The following WNK4 variants were observed in gnomAD, a reference collection of about 807,000 sequenced individuals.
WNK4 encodes the protein serine/threonine-protein kinase WNK4.
A neutral mutation model predicts 116.2 loss-of-function variants in WNK4; 94 were observed. That is an observed-to-expected ratio of 0.81 (90% confidence interval 0.68 to 0.96). The LOEUF is 0.96. Ranked by LOEUF, WNK4 falls within the 40% of genes least tolerant of loss-of-function variation. The pLI, the probability that WNK4 is intolerant of heterozygous loss-of-function variation, is 0.00. For missense variants in WNK4, 1,542 were observed against 1,650.6 expected (o/e 0.93, Z 1.14); for synonymous variants, 655 against 672.7 (o/e 0.97, Z 0.41).
chr17:42,781,126 C>G lies in WNK4; in HGVS notation c.428C>G (p.Pro143Arg), dbSNP rs955324851. The change falls in exon 1 of 19, where the codon CCT becomes CGT. Residue 143 changes from proline to arginine, a missense_variant. Physicochemically the swap from Pro to Arg is moderately radical, Grantham distance 103. Around this residue, in one of 7 missense-constraint regions of WNK4, gnomAD observed 243 missense variants for 217.8 expected, o/e 1.12. Transcript: ENST00000246914. Reference protein sequence around the residue: ...GPGSREPLRVPEAVALERRRE... With the variant: ...GPGSREPLRVREAVALERRRE... ...GGGTCCAGGGAGCCGCTAAGGGTCCCTGAAGCTGTGGCCCTAGAGCGGCGG... is the reference window on the plus strand; with the variant it reads ...GGGTCCAGGGAGCCGCTAAGGGTCCGTGAAGCTGTGGCCCTAGAGCGGCGG... 15 of 1,613,946 alleles carry G rather than the reference C, an allele frequency of 9.3e-6. No individual in the cohort carries two copies. Among genetic ancestry groups the G allele is most frequent in the African/African-American group, 1.3e-5 (1 of 74,944 alleles).
chr17:42,794,029 T>C (rs1211869932), intron 12 of WNK4: 1 of 367,672 alleles, frequency 2.7e-6, no homozygotes, highest in Non-Finnish European at 5.2e-6. Flanking sequence ...ATTTTTTTTG[T>C]ATTTTTAGTA....
In WNK4 at chr17:42,787,874, C is replaced by T. The variant is rs1291522636; in HGVS notation, c.1838C>T (p.Ala613Val). ...CCTGGGGGGGTGCCATCCAGCCTGGCTGAGTCCCATCTCTGCCTGCCCTCG... is the reference window on the plus strand; with the variant it reads ...CCTGGGGGGGTGCCATCCAGCCTGGTTGAGTCCCATCTCTGCCTGCCCTCG... Reference protein sequence around the residue: ...QPPGGVPSSLAESHLCLPSAF... With the variant: ...QPPGGVPSSLVESHLCLPSAF... Residue 613 changes from alanine to valine, a missense_variant, in exon 8 of 19, where the codon GCT becomes GTT. Ala to Val is a moderately conservative substitution (Grantham distance 64, BLOSUM62 0). This residue lies in a region of WNK4 where 808 missense variants were observed against 873.6 expected (regional missense o/e 0.92). Coordinates refer to ENST00000246914, the MANE Select transcript of WNK4 (RefSeq NM_032387.5). 1.2e-6 allele frequency: 2 copies of T among 1,611,286 alleles called. No individual in the cohort carries two copies. The highest frequency in any genetic ancestry group is 1.7e-6 in the Non-Finnish European group (2 of 1,180,026).
chr17:42,796,545 G>C lies in WNK4; in HGVS notation c.3696G>C (p.Lys1232Asn). 2 of 1,614,130 alleles carry C rather than the reference G, an allele frequency of 1.2e-6. No homozygotes were observed. The highest frequency in any genetic ancestry group is 1.6e-4 in the Middle Eastern group (1 of 6,062). Residue 1232 changes from lysine to asparagine, a missense_variant, in exon 18 of 19, where the codon AAG (lysine) becomes AAC (asparagine). By Grantham distance (94) the Lys-to-Asn change is moderately conservative (BLOSUM62 0). Transcript: ENST00000246914. ...GCTCCCAGGAGCAGCGGGCAAGCAA[G>C]GGGGTGACATTCGCCGGGGATGTTG... ...STGSQEQRAS[K>N]GVTFAGDVGR...
Position 42,796,145 on chromosome 17 carries a change from C to G in WNK4, c.3454C>G (p.Leu1152Val). 2 of 1,614,148 alleles carry G rather than the reference C, an allele frequency of 1.2e-6. No individual in the cohort carries two copies. The highest frequency in any genetic ancestry group is 1.1e-5 in the South Asian group (1 of 91,084). Residue 1152 changes from leucine (L) to valine (V), a missense_variant, in exon 17 of 19, where the codon CTA (leucine) becomes GTA (valine). Transcript: ENST00000246914. ...RQKHLSEVET[L>V]QTLQKKEIED... ...CAGGCACTTGTCAGAGGTGGAAACACTACAGACACTACAGAAAAAAGAAAT... is the reference window on the plus strand; with the variant it reads ...CAGGCACTTGTCAGAGGTGGAAACAGTACAGACACTACAGAAAAAAGAAAT...
At position 42,795,282 on chromosome 17, in the gene WNK4, C is replaced by T; in HGVS notation, c.2861C>T (p.Pro954Leu). 1 of 1,613,998 alleles carries T rather than the reference C, an allele frequency of 6.2e-7. No individual in the cohort carries two copies. The highest frequency in any genetic ancestry group is 8.5e-7 in the Non-Finnish European group (1 of 1,179,950). Residue 954 changes from proline to leucine, a missense_variant, in exon 14 of 19, where the codon CCA becomes CTA. By Grantham distance (98) the Pro-to-Leu change is moderately conservative. This residue lies in a region of WNK4 where 292 missense variants were observed against 290.1 expected (regional missense o/e 1.01). Transcript: ENST00000246914. ...PSPGLLSQSP[P>L]APPSPLPSLP... Reference sequence around the variant, plus strand: ...CCTGGGCTCCTTTCCCAGTCTCCTCCAGCCCCTCCTAGTCCCCTCCCTAGC... The same window carrying T: ...CCTGGGCTCCTTTCCCAGTCTCCTCTAGCCCCTCCTAGTCCCCTCCCTAGC...
chr17:42,781,281 G>C lies in WNK4; in HGVS notation c.583G>C (p.Asp195His). The C allele has an allele frequency of 1.2e-6, 2 of 1,614,172 alleles. No homozygotes were observed. Among genetic ancestry groups the C allele is most frequent in the Non-Finnish European group, 1.7e-6 (2 of 1,180,032 alleles). Reference sequence around the variant, plus strand: ...GACGGTGTATCGAGGGCTAGACACCGACACCACAGTGGAGGTGGCCTGGTG... The same window carrying C: ...GACGGTGTATCGAGGGCTAGACACCCACACCACAGTGGAGGTGGCCTGGTG... ...FKTVYRGLDTDTTVEVAWCEL... is the reference protein window; with the variant it reads ...FKTVYRGLDTHTTVEVAWCEL... Residue 195 changes from aspartate (D) to histidine (H), a missense_variant, in exon 1 of 19, where the codon GAC becomes CAC. Physicochemically the swap from Asp to His is moderately conservative, Grantham distance 81 (BLOSUM62 -1). Transcript: ENST00000246914.
At chr17:42,789,031 T>A (rs780541335) in intron 11 of WNK4, among the ~76,000 whole-genome samples, 6 of 152,096 alleles carry the variant, frequency 3.9e-5, no homozygotes, top group Non-Finnish European at 8.8e-5. Flanking sequence ...ATTGACCGGG[T>A]ACACACAAGT....
intron 10 of WNK4, 120 bp from the exon 11 acceptor site, chr17:42,788,560 AG>A: frequency 8.8e-7 from 1 of 1,139,236 alleles, no homozygotes. Flanking sequence ...CAGACTTTAG[AG>A]GTGGGGTCTA....
intron 6 of WNK4, among the ~76,000 whole-genome samples, chr17:42,785,994 A>G (rs1360103977): frequency 1.3e-5 from 2 of 152,078 alleles, no homozygotes; most frequent in Non-Finnish European, 2.9e-5. Flanking sequence ...ACTGTGTTTT[A>G]TCGATTCTTC....
At position 42,782,700 on chromosome 17, in the gene WNK4, C is replaced by T; in HGVS notation, c.619-58C>T. On this transcript the variant is annotated intron_variant, in intron 1 of 18. Transcript: ENST00000246914. The surrounding 1 kb of genome is among the most constrained non-coding windows in gnomAD (Gnocchi z 4.2). ...TTCCCCCAACCCCACTCCAGGTGTCCCTCTTCCTTTCTGTGGGTGTCCTGG... is the reference window on the plus strand; with the variant it reads ...TTCCCCCAACCCCACTCCAGGTGTCTCTCTTCCTTTCTGTGGGTGTCCTGG... 6.2e-7 allele frequency: 1 copy of T among 1,603,796 alleles called. No homozygotes were observed. Among genetic ancestry groups the T allele is most frequent in the Non-Finnish European group, 8.5e-7 (1 of 1,174,040 alleles).
chr17:42,782,752 C>T lies in WNK4; in HGVS notation c.619-6C>T. On this transcript the variant is annotated splice_region_variant and splice_polypyrimidine_tract_variant and intron_variant, in intron 1 of 18. Transcript: ENST00000246914. This position sits in a 1 kb window ranked among gnomAD's most constrained non-coding sequence, Gnocchi z 4.2. ...CCTGACATGACACCCGTCCCCCATC[C>T]CACAGACTCGGAAACTGTCTAGAGC... is the stretch of plus-strand genomic sequence containing the variant. 6.2e-7 allele frequency: 1 copy of T among 1,614,036 alleles called. No individual in the cohort carries two copies. Among genetic ancestry groups the T allele is most frequent in the East Asian group, 2.2e-5 (1 of 44,882 alleles).
intron 6 of WNK4, among the ~76,000 whole-genome samples, chr17:42,786,360 G>A (rs567868991): frequency 6.6e-6 from 1 of 152,302 alleles, no homozygotes; most frequent in East Asian, 1.9e-4. Flanking sequence ...GCAGAAGCTT[G>A]GGGGCTGGCT....
intron 7 of WNK4, 111 bp downstream of exon 7, chr17:42,787,653 A>G (rs992408126): frequency 1.3e-6 from 2 of 1,589,850 alleles, no homozygotes; most frequent in Non-Finnish European, 8.6e-7. Flanking sequence ...ACCTCTAGCC[A>G]TGAAGCTCCC....
At chr17:42,788,221 G>A in intron 9 of WNK4, 33 bp downstream of exon 9, 1 of 1,613,844 alleles carries the variant, frequency 6.2e-7, no homozygotes, top group Non-Finnish European at 8.5e-7. Flanking sequence ...GTGCCAGGGT[G>A]AGACACCTGG....
Position 42,796,725 on chromosome 17 carries a change from G to C in WNK4, c.*37G>C. The C allele has an allele frequency of 6.2e-7, 1 of 1,614,030 alleles. No homozygotes were observed. The highest frequency in any genetic ancestry group is 8.5e-7 in the Non-Finnish European group (1 of 1,180,006). On this transcript the variant is annotated 3_prime_UTR_variant, in exon 19 of 19. Coordinates refer to ENST00000246914, the MANE Select transcript of WNK4 (RefSeq NM_032387.5). ...AAGCCATGTATCTCCCCCACACCAG[G>C]GCCCACCATGGAGCTTGTGTTCTCA...
chr17:42,783,878 G>T (rs1487438248), intron 2 of WNK4, 59 bp from the exon 3 acceptor site: 1 of 1,518,244 alleles, frequency 6.6e-7, no homozygotes, highest in Non-Finnish European at 9.0e-7. Context: ...CCCAGTGGGG[G>T]GCTCCTTCCC....
chr17:42,781,259 G>T lies in WNK4; in HGVS notation c.561G>T (p.Thr187=). The change falls in exon 1 of 19, where the codon ACG becomes ACT. Residue 187 remains threonine, a synonymous_variant. Transcript: ENST00000246914. Reference sequence around the variant, plus strand: ...AGATTGGACGTGGCTCCTTCAAGACGGTGTATCGAGGGCTAGACACCGACA... The same window carrying T: ...AGATTGGACGTGGCTCCTTCAAGACTGTGTATCGAGGGCTAGACACCGACA... ...DIEIGRGSFK[T]VYRGLDTDTT... is the part of the protein sequence containing the mutation. 1.2e-6 allele frequency: 2 copies of T among 1,614,170 alleles called. No individual in the cohort carries two copies. The highest frequency in any genetic ancestry group is 1.7e-6 in the Non-Finnish European group (2 of 1,180,022).
In WNK4 at chr17:42,795,766, A is replaced by G. The variant is rs766638158; in HGVS notation, c.3164A>G (p.Asp1055Gly). Residue 1055 changes from aspartate (D) to glycine (G), a missense_variant, in exon 16 of 19, where the codon GAT becomes GGT. Asp to Gly is a moderately conservative substitution (Grantham distance 94, BLOSUM62 -1). Around this residue, in one of 7 missense-constraint regions of WNK4, gnomAD observed 292 missense variants for 290.1 expected, o/e 1.01. Coordinates refer to ENST00000246914, the MANE Select transcript of WNK4 (RefSeq NM_032387.5). ...STPQLTSESSDTEDSAGGGPE... is the reference protein window; with the variant it reads ...STPQLTSESSGTEDSAGGGPE... ...CCTCAGCTCACTTCAGAGAGCTCAG[A>G]TACAGAGGACAGTGCTGGAGGCGGG... The G allele has an allele frequency of 2.5e-6, 4 of 1,613,718 alleles. No homozygotes were observed. The highest frequency in any genetic ancestry group is 3.4e-6 in the Non-Finnish European group (4 of 1,180,040).
rs779131907 is a variant in WNK4, at chr17:42,788,113, C to T, written c.1864-17C>T. 1 of 1,614,042 alleles carries T rather than the reference C, an allele frequency of 6.2e-7. No homozygotes were observed. Among genetic ancestry groups the T allele is most frequent in the African/African-American group, 1.3e-5 (1 of 74,928 alleles). ...AGTTATCTTCCCCTGACCTCATGAA[C>T]CCTTATCCTGTTTCAGGCTTTTGCC... On this transcript the variant is annotated splice_polypyrimidine_tract_variant and intron_variant, in intron 8 of 18. Coordinates refer to ENST00000246914, the MANE Select transcript of WNK4 (RefSeq NM_032387.5).
Sources: gnomAD v4.1 joint callset for allele counts (sites outside exome capture counted in the v4.1 genomes callset) on GRCh38, gnomAD v4.1.1 for gene constraint, gnomAD v4.1.1 regional missense constraint, Gnocchi (gnomAD v3.1) non-coding constraint, MANE v1.5 for transcripts, NCBI Gene and HGNC (gene_info 2026-07-23, HGNC 2026-07-21) for gene names.